STPG2: variants seen among roughly 807,000 people sequenced by gnomAD.
STPG2 encodes sperm tail PG-rich repeat containing 2, also known as sperm-tail PG-rich repeat-containing protein 2.
STPG2 carries 56 observed loss-of-function variants against 54.2 expected under a neutral mutation model. The ratio of observed to expected loss-of-function variants is 1.03; its 90% CI spans 0.83 to 1.29. The LOEUF (loss-of-function observed/expected upper bound fraction) is 1.29, where lower values mean the gene tolerates loss of function less well. STPG2 is among the 50% of genes most tolerant of loss of function. STPG2 has a pLI of 0.00. For missense variants in STPG2, 596 were observed against 544.9 expected, an observed-to-expected ratio of 1.09 and a Z score of -0.93; for synonymous variants, 200 against 181.8, an observed-to-expected ratio of 1.10 and a Z score of -0.81.
At chr4:97,517,206 C>T (rs543415911) in intron 4 of STPG2, among the ~76,000 whole-genome samples, 1 of 152,174 alleles carries the variant, frequency 6.6e-6, no homozygotes, top group East Asian at 1.9e-4. Flanking sequence ...CTGCACCCAG[C>T]CCATTTAAAA....
intron 5 of STPG2, among the ~76,000 whole-genome samples, chr4:98,017,628 A>G (rs1736004747): frequency 6.6e-6 from 1 of 152,130 alleles, no homozygotes; most frequent in Non-Finnish European, 1.5e-5. Context: ...TGGAAACCTT[A>G]GCGCTTGTGA....
At chr4:97,797,492 A>G (rs1727235870) in intron 9 of STPG2, among the ~76,000 whole-genome samples, 1 of 152,132 alleles carries the variant, frequency 6.6e-6, no homozygotes, top group Non-Finnish European at 1.5e-5. Context: ...GATTACGTTT[A>G]TTGATTTGCC....
At chr4:98,135,047 C>G (rs1028519087) in intron 1 of STPG2, among the ~76,000 whole-genome samples, 2 of 151,708 alleles carry the variant, frequency 1.3e-5, no homozygotes, top group Non-Finnish European at 3.0e-5. Flanking sequence ...CTTGAACACT[C>G]TACTGAAAAA....
At chr4:97,832,721 GACAA>G (rs1385567578) in intron 9 of STPG2, among the ~76,000 whole-genome samples, 2 of 151,972 alleles carry the variant, frequency 1.3e-5, no homozygotes, top group South Asian at 2.1e-4. Flanking sequence ...ACCAATAACA[GACAA>G]ACAGAGCCAA....
chr4:97,560,099 C>CAA (rs1732185685), intron 10 of STPG2, among the ~76,000 whole-genome samples: 2 of 152,098 alleles, frequency 1.3e-5, no homozygotes, highest in Non-Finnish European at 1.5e-5. Context: ...TACAGATTCC[C>CAA]ATGATGACCC....
At chr4:98,026,200 G>T (rs1736414644) in intron 5 of STPG2, 10 of 1,206,890 alleles carry the variant, frequency 8.3e-6, no homozygotes, top group Non-Finnish European at 1.2e-5. Context: ...TTGCTCAGAA[G>T]AAAGATCGGG....
chr4:98,073,927 T>C (rs1448031342), intron 5 of STPG2, among the ~76,000 whole-genome samples: 2 of 152,142 alleles, frequency 1.3e-5, no homozygotes, highest in African/African-American at 4.8e-5. Context: ...AGGAGAATAA[T>C]ATCAGAATCA....
chr4:97,943,162 G>A (rs1299159797), intron 8 of STPG2, among the ~76,000 whole-genome samples: 1 of 152,056 alleles, frequency 6.6e-6, no homozygotes, highest in Non-Finnish European at 1.5e-5. Context: ...TATTTTATAA[G>A]AGTACTAATC....
chr4:97,618,778 T>C (rs1415473132), intron 10 of STPG2, among the ~76,000 whole-genome samples: 1 of 152,196 alleles, frequency 6.6e-6, no homozygotes, highest in Non-Finnish European at 1.5e-5. Flanking sequence ...TTGCTGTGTA[T>C]TTTATTCTCT....
chr4:97,448,840 T>C lies in STPG2; in HGVS notation c.463-261007A>G, dbSNP rs75266518. ...TCAATCAAGAAAGAATTTGGCAGAGTTACATTAAATGTTCTCTTCAGAACA... is the reference window on the plus strand; with the variant it reads ...TCAATCAAGAAAGAATTTGGCAGAGCTACATTAAATGTTCTCTTCAGAACA... On this transcript the variant is annotated intron_variant, in intron 4 of 4. Transcript: ENST00000522676. 1.7e-3 allele frequency among the ~76,000 whole-genome samples: 265 copies of C among 152,266 alleles called. 2 individuals carry two copies. The highest frequency in any genetic ancestry group is 3.1e-3 in the Non-Finnish European group (208 of 68,022).
At chr4:98,067,495 G>A (rs1737870564) in intron 5 of STPG2, among the ~76,000 whole-genome samples, 1 of 152,134 alleles carries the variant, frequency 6.6e-6, no homozygotes, top group South Asian at 2.1e-4. Flanking sequence ...AAGCCAGAGA[G>A]CCTGTGCTTC....
At chr4:97,539,455 C>A (rs998189665) in intron 4 of STPG2, among the ~76,000 whole-genome samples, 3 of 152,188 alleles carry the variant, frequency 2.0e-5, no homozygotes, top group African/African-American at 7.2e-5. Flanking sequence ...AAGGCCATTA[C>A]ATAATGGTAA....
chr4:97,652,632 T>C (rs1307875921), intron 10 of STPG2, among the ~76,000 whole-genome samples: 5 of 151,824 alleles, frequency 3.3e-5, no homozygotes, highest in African/African-American at 1.2e-4. Flanking sequence ...AGAAATAAAA[T>C]GAAATTATGC....
In STPG2 at chr4:97,747,599, A is replaced by T. The variant is rs577327172; in HGVS notation, c.1205-34785T>A. 7.9e-5 allele frequency among the ~76,000 whole-genome samples: 12 copies of T among 151,116 alleles called. No individual in the cohort carries two copies. In the East Asian group the frequency reaches 2.1e-3, roughly 27 times the overall value. ...CCTTTTCCTTTTCTTTTTTATTGGG[A>T]TCAGTTTCATATTTGTACATTCTTG... On this transcript the variant is annotated intron_variant, in intron 9 of 10. Coordinates refer to ENST00000295268, the MANE Select transcript of STPG2 (RefSeq NM_174952.3).
chr4:98,056,606 C>A (rs1737492777), intron 5 of STPG2, among the ~76,000 whole-genome samples: 1 of 151,920 alleles, frequency 6.6e-6, no homozygotes, highest in African/African-American at 2.4e-5. Flanking sequence ...TACCATCAAA[C>A]CCTCCAGGTC....
At chr4:97,723,308 T>C (rs113358359) in intron 9 of STPG2, among the ~76,000 whole-genome samples, 1,984 of 152,086 alleles carry the variant, frequency 0.013, 40 homozygotes, top group African/African-American at 0.046. Flanking sequence ...AGTATTCTCT[T>C]AGACACTGAG....
chr4:97,474,017 C>T (rs1477070195), intron 4 of STPG2, among the ~76,000 whole-genome samples: 1 of 151,876 alleles, frequency 6.6e-6, no homozygotes, highest in Non-Finnish European at 1.5e-5. Flanking sequence ...GGATACATGT[C>T]ATTATACATT....
intron 8 of STPG2, among the ~76,000 whole-genome samples, chr4:97,880,437 T>A (rs1730328263): frequency 6.6e-6 from 1 of 152,058 alleles, no homozygotes; most frequent in Admixed American, 6.6e-5. Context: ...TCACAAAAAA[T>A]GGCAAGATCT....
At chr4:97,869,769 A>G (rs1367405842) in intron 8 of STPG2, among the ~76,000 whole-genome samples, 1 of 151,712 alleles carries the variant, frequency 6.6e-6, no homozygotes, top group African/African-American at 2.4e-5. Context: ...ATGAAGTAGT[A>G]TTCAGTAATT....
Sources: gnomAD v4.1 joint callset for allele counts (sites outside exome capture counted in the v4.1 genomes callset) on GRCh38, gnomAD v4.1.1 for gene constraint, MANE v1.5 for transcripts, NCBI Gene and HGNC (gene_info 2026-07-23, HGNC 2026-07-21) for gene names.